The following OBSL1 variants were observed in gnomAD, a reference collection of about 807,000 sequenced individuals.
The protein encoded by OBSL1 is obscurin like cytoskeletal adaptor 1.
A neutral mutation model predicts 172.0 loss-of-function variants in OBSL1; 160 were observed. The ratio of observed to expected loss-of-function variants is 0.93; its 90% confidence interval spans 0.82 to 1.06. The LOEUF (loss-of-function observed/expected upper bound fraction) is 1.06. OBSL1 is among the 50% of genes least tolerant of loss of function. OBSL1 has a pLI of 0.00. For synonymous variants in OBSL1, 1,200 were observed against 1,196.3 expected, an observed-to-expected ratio of 1.00 and a Z score of -0.06; for missense variants, 2,681 against 2,715.4, an observed-to-expected ratio of 0.99 and a Z score of 0.28.
At chr2:219,560,928 G>A (rs1475254337) in intron 8 of OBSL1, among the ~76,000 whole-genome samples, 7 of 152,162 alleles carry the variant, frequency 4.6e-5, no homozygotes, top group Non-Finnish European at 7.3e-5. Flanking sequence ...GACTTGATTC[G>A]CTCTGGCCTA....
chr2:219,559,045 C>T lies in OBSL1; in HGVS notation c.3226+180G>A, dbSNP rs1036461674. ...AACGAATGGTTCTAATTGCTGGGCA[C>T]CCTCCCACCAGGCCTCTGGTCCTGA... is the stretch of plus-strand genomic sequence containing the variant. On this transcript the variant is annotated intron_variant, in intron 9 of 20. Transcript: ENST00000404537. 1.2e-5 allele frequency: 7 copies of T among 586,594 alleles called. No homozygotes were observed. In the Admixed American group the frequency reaches 2.1e-4, roughly 18 times the overall value. 36.3% of individuals were successfully genotyped at this position (586,594 alleles called of 1,614,324 possible).
chr2:219,553,281 A>C (rs1374963848), intron 16 of OBSL1, among the ~76,000 whole-genome samples: 1 of 152,144 alleles, frequency 6.6e-6, no homozygotes, highest in Non-Finnish European at 1.5e-5. Flanking sequence ...TATCGATCAC[A>C]GGGGACATGG....
downstream of OBSL1, chr2:219,548,183 G>T (rs1170345331): frequency 3.6e-6 from 4 of 1,106,400 alleles, no homozygotes; most frequent in Non-Finnish European, 5.0e-6. Context: ...AGAAGGCCTC[G>T]ATGGCGGTAG....
At chr2:219,550,104 G>A, downstream of OBSL1, 1 of 479,182 alleles carries the variant, frequency 2.1e-6, no homozygotes, top group South Asian at 3.6e-5. Context: ...GGTTGTGAGT[G>A]TGTTGCCCGT....
chr2:219,560,045 G>A (rs1436387678), intron 8 of OBSL1, among the ~76,000 whole-genome samples: 1 of 152,182 alleles, frequency 6.6e-6, no homozygotes, highest in Non-Finnish European at 1.5e-5. Flanking sequence ...ATGGATAAGG[G>A]ATGGTGGATC....
In OBSL1 at chr2:219,567,954, C is replaced by T. The variant is rs763001564; in HGVS notation, c.1298G>A (p.Arg433His). ...CAGGACGTCGAGCTTCCGGGGCAGG[C>T]GCTTCAGGATGGGCCCTGAGATGCG... ...NVTVKGPILK[R>H]LPRKLDVLEG... Residue 433 changes from arginine (R) to histidine (H), a missense_variant, in exon 3 of 21, where the codon CGC becomes CAC. Physicochemically the swap from Arg to His is conservative, Grantham distance 29. Transcript: ENST00000404537. The T allele has an allele frequency of 1.9e-5, 31 of 1,613,676 alleles. No individual in the cohort carries two copies. The highest frequency in any genetic ancestry group is 4.0e-5 in the African/African-American group (3 of 74,926).
rs1439914570 is a variant in OBSL1, at chr2:219,551,631, G to T, written c.5581C>A (p.Pro1861Thr). The change falls in exon 20 of 21, where the codon CCC becomes ACC. Residue 1861 changes from proline (P) to threonine (T), a missense_variant. By Grantham distance (38) the Pro-to-Thr change is conservative. This residue lies in a region of OBSL1 where 1,765 missense variants were observed against 1,748.3 expected (regional missense o/e 1.01). Coordinates refer to ENST00000404537, the MANE Select transcript of OBSL1 (RefSeq NM_015311.3). Reference protein sequence around the residue: ...GDKYEMRSHGPTHSLVIHDVR... With the variant: ...GDKYEMRSHGTTHSLVIHDVR... ...TCATGGATGACCAGGCTGTGGGTGG[G>T]GCCGTGGCTGCGCATCTCATACTTA... 2 of 1,611,554 alleles carry T rather than the reference G, an allele frequency of 1.2e-6. No individual in the cohort carries two copies. Among genetic ancestry groups the T allele is most frequent in the African/African-American group, 1.3e-5 (1 of 74,906 alleles).
At chr2:219,553,502 G>T (rs192760) in intron 16 of OBSL1, 72 bp downstream of exon 16, 1 of 1,068,590 alleles carries the variant, frequency 9.4e-7, no homozygotes, top group Non-Finnish European at 1.4e-6. Flanking sequence ...AGGAATATTA[G>T]CTGTTTCTGT....
chr2:219,552,186 A>G lies in OBSL1; in HGVS notation c.5339T>C (p.Leu1780Pro), dbSNP rs1695664720. 1 of 1,609,510 alleles carries G rather than the reference A, an allele frequency of 6.2e-7. No individual in the cohort carries two copies. The highest frequency in any genetic ancestry group is 2.2e-5 in the East Asian group (1 of 44,706). The change falls in exon 19 of 21, where the codon CTG becomes CCG. Residue 1780 changes from leucine to proline, a missense_variant. This residue lies in a region of OBSL1 where 1,765 missense variants were observed against 1,748.3 expected (regional missense o/e 1.01). Transcript: ENST00000404537. ...GACTTCACCGGCGTCCTCGGCGCGC[A>G]GCTCGCTAAGCACCAGAATGTGTTT... ...GKKHILVLSE[L>P]RAEDAGEVRF...
chr2:219,567,592 G>T lies in OBSL1; in HGVS notation c.1535-17C>A, dbSNP rs752484556. ...GCTTGACACCTGAGACCAAGGCAGGGATGTGTTCCGGCCTTGCTTGGGCCT... is the reference window on the plus strand; with the variant it reads ...GCTTGACACCTGAGACCAAGGCAGGTATGTGTTCCGGCCTTGCTTGGGCCT... On this transcript the variant is annotated splice_polypyrimidine_tract_variant and intron_variant, in intron 3 of 20. Transcript: ENST00000404537. 3.7e-6 allele frequency: 6 copies of T among 1,603,010 alleles called. No homozygotes were observed. In the South Asian group the frequency reaches 5.5e-5, roughly 15 times the overall value.
intron 7 of OBSL1, 56 bp from the exon 8 acceptor site, chr2:219,562,730 C>A: frequency 6.7e-7 from 1 of 1,495,170 alleles, no homozygotes. Flanking sequence ...GCCGTCCTCC[C>A]TGACCCCGTT....
intron 8 of OBSL1, chr2:219,561,949 T>C: frequency 2.8e-6 from 2 of 717,506 alleles, no homozygotes; most frequent in South Asian, 1.5e-5. Context: ...GTCTTCGGCT[T>C]TTTCAAGAGG....
At chr2:219,549,395 T>G, downstream of OBSL1, 1 of 1,585,984 alleles carries the variant, frequency 6.3e-7, no homozygotes, top group Non-Finnish European at 8.6e-7. Context: ...GAGAAGGAAG[T>G]GTGGAAACTC....
At position 219,562,589 on chromosome 2, in the gene OBSL1, T is replaced by C. The variant is rs770841992; in HGVS notation, c.2766A>G (p.Leu922=). ...AGCGCACCTCTGCCCAGGGCCGGCA[T>C]AGCTCACAGGTCAGCACCACACGCT... The part of the protein sequence containing the change: ...RLERVVLTCE[L]CRPWAEVRWT... Residue 922 remains leucine, a synonymous_variant, in exon 8 of 21, where the codon CTA becomes CTG. Transcript: ENST00000404537. The C allele has an allele frequency of 2.5e-5, 41 of 1,611,892 alleles. No individual in the cohort carries two copies. Among genetic ancestry groups the C allele is most frequent in the Non-Finnish European group, 3.2e-5 (38 of 1,179,182 alleles).
At chr2:219,561,873 G>A (rs1332969433) in intron 8 of OBSL1, 2 of 717,374 alleles carry the variant, frequency 2.8e-6, no homozygotes, top group East Asian at 5.4e-5. Flanking sequence ...CCCAAACTAT[G>A]GGGGCAGCTG....
Position 219,571,273 on chromosome 2 carries a change from CAGGG to C in OBSL1, c.-45_-42del. The C allele has an allele frequency of 1.2e-6, 1 of 861,600 alleles. No homozygotes were observed. The highest frequency in any genetic ancestry group is 1.5e-6 in the Non-Finnish European group (1 of 657,184). 53.4% of individuals were successfully genotyped at this position (861,600 alleles called of 1,614,324 possible). On this transcript the variant is annotated 5_prime_UTR_variant, in exon 1 of 21. Transcript: ENST00000404537. ...CCTGCAGCGGCGAACGGTGGGGGGGCAGGGGGGGGTGCGGAGGGCGAGCCGAGGC... is the reference window on the plus strand; with the variant it reads ...CCTGCAGCGGCGAACGGTGGGGGGGCGGGGGTGCGGAGGGCGAGCCGAGGC...
chr2:219,553,007 C>T lies in OBSL1; in HGVS notation c.5007G>A (p.Thr1669=), dbSNP rs2106011215. The change falls in exon 17 of 21, where the codon ACG becomes ACA. Residue 1669 remains threonine (T), a synonymous_variant. Coordinates refer to ENST00000404537, the MANE Select transcript of OBSL1 (RefSeq NM_015311.3). ...VTWEKDGNAL[T]PSPRLRLQAL... ...CCTGGAGCCGGAGCCGCGGGCTAGG[C>T]GTAAGCGCGTTCCCGTCCTAGGGGC... 1 of 1,517,740 alleles carries T rather than the reference C, an allele frequency of 6.6e-7. No homozygotes were observed. The highest frequency in any genetic ancestry group is 8.8e-7 in the Non-Finnish European group (1 of 1,138,676). The allele number at this position is 1,517,740 out of a possible 1,614,324, so 94.0% of individuals were successfully genotyped here. A position where few individuals can be genotyped will look rare whatever the true frequency, so the allele number is the denominator to read the frequency against.
intron 11 of OBSL1, 57 bp downstream of exon 11, chr2:219,557,766 G>T: frequency 6.4e-7 from 1 of 1,558,858 alleles, no homozygotes; most frequent in Non-Finnish European, 8.6e-7. Flanking sequence ...GCAGAGTTTG[G>T]GGTGCCACTC....
In OBSL1 at chr2:219,568,832, CCT is replaced by C. The variant is rs1167137320; in HGVS notation, c.1013-510_1013-509del. Among the ~76,000 whole-genome samples, 1 of 151,824 alleles carries C rather than the reference CCT, an allele frequency of 6.6e-6. No individual in the cohort carries two copies. The highest frequency in any genetic ancestry group is 1.5e-5 in the Non-Finnish European group (1 of 67,954). On this transcript the variant is annotated intron_variant, in intron 1 of 20. Coordinates refer to ENST00000404537, the MANE Select transcript of OBSL1 (RefSeq NM_015311.3). The surrounding 1 kb of genome is among the most constrained non-coding windows in gnomAD (Gnocchi z 4.1). ...CAATCTCGGCTCACTGCAACCTCCA[CCT>C]CCTGGGTTCAAGCAATTCTGGTGCC...
Sources: allele counts gnomAD v4.1 joint callset (sites outside exome capture counted in the v4.1 genomes callset), GRCh38; gene constraint gnomAD v4.1.1; regional missense constraint gnomAD v4.1.1; non-coding constraint Gnocchi (gnomAD v3.1); transcripts MANE v1.5; gene names NCBI Gene and HGNC (gene_info 2026-07-23, HGNC 2026-07-21).